The following ARID5B variants were observed in gnomAD, a reference collection of about 807,000 sequenced individuals.
ARID5B encodes the protein AT-rich interactive domain-containing protein 5B.
ARID5B carries 13 observed loss-of-function variants against 97.2 expected under a neutral mutation model. The observed-to-expected ratio is 0.13, with a 90% CI of 0.09 to 0.21. The LOEUF (loss-of-function observed/expected upper bound fraction) is 0.21, where lower values mean the gene tolerates loss of function less well. Ranked by LOEUF, ARID5B falls within the 10% of genes least tolerant of loss-of-function variation. The probability of loss-of-function intolerance (pLI) is 1.00; values close to 1 mark genes in which losing one functional copy is unlikely to be tolerated. For synonymous variants in ARID5B, 556 were observed against 570.3 expected (o/e 0.97, Z 0.36); for missense variants, 1,210 against 1,465.3 (o/e 0.83, Z 2.84).
chr10:61,907,226 C>T (rs906707254), intron 2 of ARID5B, among the ~76,000 whole-genome samples: 3 of 132,702 alleles, frequency 2.3e-5, no homozygotes, highest in African/African-American at 7.6e-5. Flanking sequence ...TCAACTGGAT[C>T]AGCAGGATTT....
rs753171994 is a variant in ARID5B, at chr10:62,091,957, T to C, written c.2494T>C (p.Tyr832His). The change falls in exon 10 of 10, where the codon TAC (tyrosine) becomes CAC (histidine). Residue 832 changes from tyrosine (Y) to histidine (H), a missense_variant. Around this residue, in one of 8 missense-constraint regions of ARID5B, gnomAD observed 800 missense variants for 839.1 expected, o/e 0.95. Coordinates refer to ENST00000279873, the MANE Select transcript of ARID5B (RefSeq NM_032199.3). ...SHMPSFLADF[Y>H]SSPHLHSLYR... Reference sequence around the variant, plus strand: ...CATGCCTAGCTTCCTGGCTGACTTCTACTCGTCCCCTCATCTCCATAGCCT... The same window carrying C: ...CATGCCTAGCTTCCTGGCTGACTTCCACTCGTCCCCTCATCTCCATAGCCT... 6 of 1,613,520 alleles carry C rather than the reference T, an allele frequency of 3.7e-6. No individual in the cohort carries two copies. Among genetic ancestry groups the C allele is most frequent in the Non-Finnish European group, 5.1e-6 (6 of 1,179,850 alleles).
intron 3 of ARID5B, among the ~76,000 whole-genome samples, chr10:61,941,948 T>C (rs1487730988): frequency 6.6e-6 from 1 of 152,246 alleles, no homozygotes; most frequent in Non-Finnish European, 1.5e-5. Context: ...TCCTAATGTA[T>C]GATCTAAGTT....
intron 3 of ARID5B, among the ~76,000 whole-genome samples, chr10:61,995,993 C>T (rs1472656022): frequency 1.3e-5 from 2 of 152,150 alleles, no homozygotes; most frequent in Non-Finnish European, 2.9e-5. Flanking sequence ...TTTTGCCCCA[C>T]CAAGCATTGC....
intron 3 of ARID5B, among the ~76,000 whole-genome samples, chr10:61,956,510 A>G (rs1838393817): frequency 6.6e-6 from 1 of 152,038 alleles, no homozygotes; most frequent in Admixed American, 6.6e-5. Flanking sequence ...CACAAATCAC[A>G]TTTTTCTTTT....
chr10:61,902,433 C>CCCTCTTCTTT lies in ARID5B; in HGVS notation c.276+22_276+31dup, dbSNP rs1843631721. 1 of 1,608,800 alleles carries CCCTCTTCTTT rather than the reference C, an allele frequency of 6.2e-7. No homozygotes were observed. The highest frequency in any genetic ancestry group is 1.1e-5 in the South Asian group (1 of 90,942). On this transcript the variant is annotated intron_variant, in intron 2 of 9. Coordinates refer to ENST00000279873, the MANE Select transcript of ARID5B (RefSeq NM_032199.3). ...GGCGAGGTGGTAAACCTGTCTGTCC[C>CCCTCTTCTTT]CCTCTTCTTTCTTTATTATTTTTCC...
intron 9 of ARID5B, among the ~76,000 whole-genome samples, chr10:62,087,990 G>A (rs536995529): frequency 1.7e-4 from 26 of 151,554 alleles, no homozygotes; most frequent in Middle Eastern, 3.4e-3. Context: ...TCAGCCTCCC[G>A]AGTAGCTAGG....
rs1431015093 is a variant in ARID5B at position 62,093,229 on chromosome 10, G to A, written c.*199G>A. ...CTCTAGCCCACAAACTGACTGGCTG[G>A]TGAGTCTTGACTCCCTTCCAACACA... On this transcript the variant is annotated 3_prime_UTR_variant, in exon 10 of 10. Transcript: ENST00000279873. 10 of 733,996 alleles carry A rather than the reference G, an allele frequency of 1.4e-5. No individual in the cohort carries two copies. Among genetic ancestry groups the A allele is most frequent in the Non-Finnish European group, 1.9e-5 (9 of 476,352 alleles). 45.5% of individuals were successfully genotyped at this position (733,996 alleles called of 1,614,324 possible).
intron 7 of ARID5B, among the ~76,000 whole-genome samples, chr10:62,063,425 G>A (rs1839947224): frequency 6.6e-6 from 1 of 151,592 alleles, no homozygotes; most frequent in Admixed American, 6.6e-5. Flanking sequence ...TTTTGTTTGT[G>A]GTTATAAACT....
At chr10:61,999,323 A>C (rs1472986408) in intron 3 of ARID5B, among the ~76,000 whole-genome samples, 1 of 152,204 alleles carries the variant, frequency 6.6e-6, no homozygotes, top group Admixed American at 6.5e-5. Flanking sequence ...AGCCCAACAA[A>C]CCAATTGTAA....
intron 7 of ARID5B, among the ~76,000 whole-genome samples, chr10:62,064,504 A>G (rs1034266190): frequency 6.6e-6 from 1 of 152,232 alleles, no homozygotes; most frequent in African/African-American, 2.4e-5. Context: ...CTGCAAAAAT[A>G]CCAGAATTAT....
chr10:61,950,920 T>C (rs1020755422), intron 3 of ARID5B, among the ~76,000 whole-genome samples: 2 of 152,212 alleles, frequency 1.3e-5, no homozygotes, highest in African/African-American at 4.8e-5. Context: ...TACATGTGAA[T>C]TGATGTGGTT....
At chr10:61,990,090 G>A (rs755741856) in intron 3 of ARID5B, among the ~76,000 whole-genome samples, 1 of 152,204 alleles carries the variant, frequency 6.6e-6, no homozygotes, top group Non-Finnish European at 1.5e-5. Flanking sequence ...TCAAAGGAGA[G>A]ATTCACCATT....
chr10:61,946,283 G>C (rs1844497554), intron 3 of ARID5B, among the ~76,000 whole-genome samples: 1 of 152,036 alleles, frequency 6.6e-6, no homozygotes, highest in Non-Finnish European at 1.5e-5. Context: ...AGCTTCCTGA[G>C]ATGTGGACAT....
In ARID5B at chr10:61,950,903, T is replaced by C. The variant is rs74156293; in HGVS notation, c.502+10495T>C. On this transcript the variant is annotated intron_variant, in intron 3 of 9. Coordinates refer to ENST00000279873, the MANE Select transcript of ARID5B (RefSeq NM_032199.3). Reference sequence around the variant, plus strand: ...GCATCACCTTGGAACACAAAGCAGATATATCCTACATGTGAATTGATGTGG... The same window carrying C: ...GCATCACCTTGGAACACAAAGCAGACATATCCTACATGTGAATTGATGTGG... Among the ~76,000 whole-genome samples the C allele has an allele frequency of 2.4e-3, 370 of 152,342 alleles. 2 individuals carry two copies. The highest frequency in any genetic ancestry group is 8.5e-3 in the African/African-American group (354 of 41,588).
intron 2 of ARID5B, among the ~76,000 whole-genome samples, chr10:61,919,758 G>A (rs1843978175): frequency 6.6e-6 from 1 of 152,170 alleles, no homozygotes; most frequent in Non-Finnish European, 1.5e-5. Flanking sequence ...GGGGCTGAGT[G>A]TGTTTTTAGC....
chr10:62,036,309 T>C (rs1839563359), intron 4 of ARID5B, among the ~76,000 whole-genome samples: 2 of 152,196 alleles, frequency 1.3e-5, no homozygotes, highest in Admixed American at 1.3e-4. Flanking sequence ...CAGTGGCCTG[T>C]GGTCCATTTC....
In ARID5B at chr10:61,902,154, T is replaced by C; in HGVS notation, c.22-5T>C. 1.2e-6 allele frequency: 2 copies of C among 1,611,948 alleles called. No individual in the cohort carries two copies. The highest frequency in any genetic ancestry group is 1.7e-6 in the Non-Finnish European group (2 of 1,179,636). On this transcript the variant is annotated splice_region_variant and splice_polypyrimidine_tract_variant and intron_variant, in intron 1 of 9. Coordinates refer to ENST00000279873, the MANE Select transcript of ARID5B (RefSeq NM_032199.3). ...TTTATTTGGTGTTTTTTTCCCCCCC[T>C]GCAGTGGGTCGGCTCACCGTGTGGC... is the stretch of plus-strand genomic sequence containing the variant.
intron 7 of ARID5B, among the ~76,000 whole-genome samples, chr10:62,067,324 C>G (rs1040369212): frequency 6.6e-6 from 1 of 152,212 alleles, no homozygotes; most frequent in African/African-American, 2.4e-5. Flanking sequence ...CTCAGGTGAT[C>G]CGCCCGCCTC....
intron 2 of ARID5B, among the ~76,000 whole-genome samples, chr10:61,936,258 AC>A (rs1427417864): frequency 6.6e-6 from 1 of 152,236 alleles, no homozygotes; most frequent in East Asian, 1.9e-4. Context: ...GAAAACCAGT[AC>A]CACCTTCCCA....
Sources: gnomAD v4.1 joint callset for allele counts (sites outside exome capture counted in the v4.1 genomes callset) on GRCh38, gnomAD v4.1.1 for gene constraint, gnomAD v4.1.1 regional missense constraint, MANE v1.5 for transcripts, NCBI Gene and HGNC (gene_info 2026-07-23, HGNC 2026-07-21) for gene names.